Variants in SCARA5 observed in about 807,000 individuals in gnomAD.
SCARA5 encodes the protein scavenger receptor class A member 5, also known as scavenger receptor class A, member 5 (putative).
A neutral mutation model predicts 46.3 loss-of-function variants in SCARA5; 45 were observed. The ratio of observed to expected loss-of-function variants is 0.97; its 90% CI spans 0.76 to 1.24. SCARA5 has a LOEUF of 1.24. SCARA5 is among the 50% of genes most tolerant of loss of function. The pLI is 0.00. For missense variants in SCARA5, 680 were observed against 689.0 expected (o/e 0.99, Z 0.15); for synonymous variants, 333 against 306.5 (o/e 1.09, Z -0.90).
intron 3 of SCARA5, among the ~76,000 whole-genome samples, chr8:27,942,436 TCTCA>T (rs1319361792): frequency 2.0e-5 from 3 of 152,170 alleles, no homozygotes; most frequent in African/African-American, 7.2e-5. Context: ...CTGCCAGCTC[TCTCA>T]CTGTTAGGAA....
intron 8 of SCARA5, among the ~76,000 whole-genome samples, chr8:27,874,888 C>A (rs915280248): frequency 1.3e-5 from 2 of 152,138 alleles, no homozygotes; most frequent in Non-Finnish European, 2.9e-5. Flanking sequence ...CAGTCATCAC[C>A]CTTCCACCTC....
chr8:27,926,555 G>A (rs573144199), intron 3 of SCARA5, among the ~76,000 whole-genome samples: 53 of 152,234 alleles, frequency 3.5e-4, no homozygotes, highest in African/African-American at 1.1e-3. Flanking sequence ...AAACCTGCAC[G>A]TTGTGCACAT....
Position 27,907,200 on chromosome 8 carries a change from G to A in SCARA5, c.1044C>T (p.Gly348=), listed in dbSNP as rs149549297. ...RGTPGLPGPK[G]DDGKLGATGP... ...CTGTGGCCCCCAGCTTCCCATCATC[G>A]CCCTTGGGCCCGGGCAATCCTGGGG... The change falls in exon 6 of 9, where the codon GGC becomes GGT. Residue 348 remains glycine (G), a synonymous_variant. Coordinates refer to ENST00000354914, the MANE Select transcript of SCARA5 (RefSeq NM_173833.6). The A allele has an allele frequency of 4.0e-5, 64 of 1,613,432 alleles. No individual in the cohort carries two copies. In the African/African-American group the frequency reaches 4.5e-4, roughly 11 times the overall value.
chr8:27,942,649 T>G, intron 3 of SCARA5, among the ~76,000 whole-genome samples: 1 of 152,148 alleles, frequency 6.6e-6, no homozygotes, highest in Admixed American at 6.5e-5. Context: ...CTTCCCCACT[T>G]TAACTCTCGG....
At chr8:27,948,911 C>T (rs184760454) in intron 3 of SCARA5, among the ~76,000 whole-genome samples, 31 of 152,340 alleles carry the variant, frequency 2.0e-4, no homozygotes, top group Admixed American at 9.1e-4. Flanking sequence ...TTGTGTATAT[C>T]GATGTGCATA....
chr8:27,945,478 C>T (rs748900063), intron 3 of SCARA5, among the ~76,000 whole-genome samples: 1 of 152,154 alleles, frequency 6.6e-6, no homozygotes, highest in Non-Finnish European at 1.5e-5. Flanking sequence ...GTTCTGATTC[C>T]GCATTCCTTT....
intron 8 of SCARA5, among the ~76,000 whole-genome samples, chr8:27,877,457 A>G (rs1210932997): frequency 6.6e-6 from 1 of 152,188 alleles, no homozygotes; most frequent in Non-Finnish European, 1.5e-5. Flanking sequence ...CTGGCCTGGC[A>G]CTCGAAGCCC....
At chr8:27,940,348 C>A (rs544987508) in intron 3 of SCARA5, among the ~76,000 whole-genome samples, 1 of 152,116 alleles carries the variant, frequency 6.6e-6, no homozygotes, top group South Asian at 2.1e-4. Flanking sequence ...AAATTTCTCA[C>A]GTCACTGTTC....
chr8:27,968,103 T>C (rs1257800574), intron 2 of SCARA5, among the ~76,000 whole-genome samples: 5 of 152,206 alleles, frequency 3.3e-5, no homozygotes, highest in African/African-American at 9.6e-5. Flanking sequence ...CTCCCAGGTA[T>C]CATTACTACC....
intron 3 of SCARA5, among the ~76,000 whole-genome samples, chr8:27,952,255 GC>G (rs1304499325): frequency 9.2e-5 from 14 of 152,180 alleles, no homozygotes; most frequent in Non-Finnish European, 8.8e-5. Context: ...AGGGAGTGCA[GC>G]CTTTGCTCGT....
chr8:27,959,705 A>G (rs1808264758), intron 3 of SCARA5, among the ~76,000 whole-genome samples: 1 of 152,236 alleles, frequency 6.6e-6, no homozygotes. Context: ...AAGAAGAACT[A>G]GAAACAGTGT....
intron 3 of SCARA5, among the ~76,000 whole-genome samples, chr8:27,958,959 G>A (rs182525151): frequency 1.3e-5 from 2 of 152,234 alleles, no homozygotes; most frequent in African/African-American, 2.4e-5. Context: ...GAGGTCAGGC[G>A]CGGTGGCTCA....
chr8:27,915,346 G>A lies in SCARA5; in HGVS notation c.917-5603C>T, dbSNP rs116796027. ...GCCCCCAATGGAGGGTGGTGGGCGG[G>A]GCTGGGGGCAACTCCACCCACTTCC... On this transcript the variant is annotated intron_variant, in intron 4 of 8. Transcript: ENST00000354914. Among the ~76,000 whole-genome samples, 421 of 152,294 alleles carry A rather than the reference G, an allele frequency of 2.8e-3. 1 individual carries two copies. The highest frequency in any genetic ancestry group is 9.6e-3 in the African/African-American group (397 of 41,568).
At chr8:27,926,034 A>C (rs987630863) in intron 3 of SCARA5, among the ~76,000 whole-genome samples, 1 of 152,222 alleles carries the variant, frequency 6.6e-6, no homozygotes, top group Non-Finnish European at 1.5e-5. Flanking sequence ...CGTGGAAGAC[A>C]GTGTGGCTAT....
chr8:27,980,550 T>A (rs569694624), intron 2 of SCARA5, among the ~76,000 whole-genome samples: 1 of 152,250 alleles, frequency 6.6e-6, no homozygotes, highest in East Asian at 1.9e-4. Context: ...AGAGAGGGGA[T>A]GCTCCAGGCC....
At position 27,907,181 on chromosome 8, in the gene SCARA5, C is replaced by T. The variant is rs370541085; in HGVS notation, c.1063G>A (p.Ala355Thr). ...CCACGCATGCCCATTGGTCCTGTGG[C>T]CCCCAGCTTCCCATCATCGCCCTTG... ...GPKGDDGKLG[A>T]TGPMGMRGFK... Residue 355 changes from alanine (A) to threonine (T), a missense_variant, in exon 6 of 9, where the codon GCC (alanine) becomes ACC (threonine). Physicochemically the swap from Ala to Thr is moderately conservative, Grantham distance 58. Transcript: ENST00000354914. 8 of 1,613,122 alleles carry T rather than the reference C, an allele frequency of 5.0e-6. No homozygotes were observed. Among genetic ancestry groups the T allele is most frequent in the Middle Eastern group, 1.6e-4 (1 of 6,082 alleles).
intron 2 of SCARA5, among the ~76,000 whole-genome samples, chr8:27,969,169 T>A (rs1054051280): frequency 1.3e-4 from 20 of 152,176 alleles, no homozygotes; most frequent in Non-Finnish European, 1.3e-4. Flanking sequence ...AACACATTTA[T>A]GGACTTTTTT....
intron 1 of SCARA5, among the ~76,000 whole-genome samples, chr8:27,989,551 C>T (rs1482035311): frequency 6.6e-6 from 1 of 152,198 alleles, no homozygotes; most frequent in Non-Finnish European, 1.5e-5. Context: ...GGGCTGGACG[C>T]CTCTGCTGTT....
rs141219823 is a variant in SCARA5, at chr8:27,918,293, T to G, written c.916+3278A>C. Among the ~76,000 whole-genome samples, 5 of 152,306 alleles carry G rather than the reference T, an allele frequency of 3.3e-5. No individual in the cohort carries two copies. In the East Asian group the frequency reaches 7.7e-4, roughly 23 times the overall value. On this transcript the variant is annotated intron_variant, in intron 4 of 8. Coordinates refer to ENST00000354914, the MANE Select transcript of SCARA5 (RefSeq NM_173833.6). The stretch of plus-strand genomic sequence containing the variant: ...AAATCCTACCCTGCCCTCTACAACA[T>G]CTGCCTTAAACCACCTCATAGATTC...
Sources: gnomAD v4.1 joint callset for allele counts (sites outside exome capture counted in the v4.1 genomes callset) on GRCh38, gnomAD v4.1.1 for gene constraint, MANE v1.5 for transcripts, NCBI Gene and HGNC (gene_info 2026-07-23, HGNC 2026-07-21) for gene names.